Variants in NRXN1 observed in about 807,000 individuals in gnomAD.
NRXN1 encodes neurexin 1.
A neutral mutation model predicts 150.9 loss-of-function variants in NRXN1; 39 were observed. The ratio of observed to expected loss-of-function variants is 0.26; its 90% confidence interval spans 0.20 to 0.34. The LOEUF is 0.34. NRXN1 is among the 10% of genes least tolerant of loss of function. The pLI is 1.00. For missense variants in NRXN1, 1,815 were observed against 1,949.9 expected (o/e 0.93, Z 1.30); for synonymous variants, 924 against 757.0 (o/e 1.22, Z -3.62).
chr2:50,742,201 A>G (rs1474335889), intron 5 of NRXN1, among the ~76,000 whole-genome samples: 1 of 152,082 alleles, frequency 6.6e-6, no homozygotes, highest in Non-Finnish European at 1.5e-5. Context: ...AAATGTTTCA[A>G]AGAGAAAGAA....
chr2:50,070,539 G>C (rs1291047707), intron 19 of NRXN1, among the ~76,000 whole-genome samples: 2 of 151,906 alleles, frequency 1.3e-5, no homozygotes, highest in African/African-American at 4.8e-5. Flanking sequence ...GGGAGGCCGA[G>C]GCGGGCGGAT....
At chr2:50,494,033 C>G (rs2091418348) in intron 15 of NRXN1, among the ~76,000 whole-genome samples, 1 of 152,082 alleles carries the variant, frequency 6.6e-6, no homozygotes, top group South Asian at 2.1e-4. Flanking sequence ...GTAAGTACCC[C>G]CACCAGAAAG....
chr2:50,015,961 G>C (rs12713082), intron 21 of NRXN1, among the ~76,000 whole-genome samples: 47,946 of 151,974 alleles, frequency 0.32, 7,933 homozygotes, highest in East Asian at 0.48. Flanking sequence ...CAGGCACTCA[G>C]TAAACTTACA....
At chr2:50,329,906 T>C (rs574325970) in intron 17 of NRXN1, among the ~76,000 whole-genome samples, 41 of 151,164 alleles carry the variant, frequency 2.7e-4, no homozygotes, top group Non-Finnish European at 5.3e-4. Context: ...AATCCTGACC[T>C]CGTGACCCAC....
intron 2 of NRXN1, among the ~76,000 whole-genome samples, chr2:50,945,771 C>A (rs960239569): frequency 9.9e-5 from 15 of 151,092 alleles, no homozygotes; most frequent in Non-Finnish European, 2.1e-4. Context: ...TTAAGTTAGT[C>A]TCCCTCCTCA....
intron 2 of NRXN1, among the ~76,000 whole-genome samples, chr2:50,965,967 C>T (rs17572910): frequency 0.25 from 37,397 of 151,144 alleles, 5,124 homozygotes; most frequent in Non-Finnish European, 0.31. Flanking sequence ...GTTATGTTGC[C>T]TTCTCTCACC....
intron 5 of NRXN1, among the ~76,000 whole-genome samples, chr2:50,630,530 C>T (rs1682088770): frequency 6.6e-6 from 1 of 151,574 alleles, no homozygotes; most frequent in Non-Finnish European, 1.5e-5. Flanking sequence ...AGGAAATTAC[C>T]GTACATCTTA....
intron 2 of NRXN1, among the ~76,000 whole-genome samples, chr2:50,972,137 A>G (rs1468500366): frequency 6.6e-6 from 1 of 152,148 alleles, no homozygotes; most frequent in Non-Finnish European, 1.5e-5. Context: ...ATTAGGAATT[A>G]TTAATAAGGT....
At chr2:50,376,411 A>C (rs553596907) in intron 17 of NRXN1, among the ~76,000 whole-genome samples, 13 of 152,090 alleles carry the variant, frequency 8.5e-5, no homozygotes, top group African/African-American at 2.9e-4. Flanking sequence ...ACCTCCCAAA[A>C]CATATCCCTT....
At chr2:50,121,867 G>A (rs1242967671) in intron 18 of NRXN1, among the ~76,000 whole-genome samples, 4 of 152,152 alleles carry the variant, frequency 2.6e-5, no homozygotes, top group African/African-American at 7.2e-5. Context: ...ATGACTAGAG[G>A]TCAATAAAGC....
At chr2:50,634,365 G>A (rs1171818470) in intron 5 of NRXN1, among the ~76,000 whole-genome samples, 1 of 152,104 alleles carries the variant, frequency 6.6e-6, no homozygotes, top group Non-Finnish European at 1.5e-5. Context: ...ATGAGCAGTT[G>A]GGTAAATAAT....
intron 5 of NRXN1, among the ~76,000 whole-genome samples, chr2:50,857,667 A>T (rs1675467150): frequency 6.6e-6 from 1 of 152,124 alleles, no homozygotes; most frequent in Admixed American, 6.6e-5. Context: ...TTCAAGGCCT[A>T]GGTCAAGGTC....
At position 51,028,251 on chromosome 2, in the gene NRXN1, C is replaced by G; in HGVS notation, c.23G>C (p.Arg8Pro). 6.8e-7 allele frequency: 1 copy of G among 1,461,140 alleles called. No individual in the cohort carries two copies. The allele number at this position is 1,461,140 out of a possible 1,614,324, so 90.5% of individuals were successfully genotyped here. The part of the protein sequence containing the change: MGTALLQ[R>P]GGCFLLCLSL... ...GAGGCACAGAAGAAAACAGCCCCCGCGCTGGAGCAGCGCCGTCCCCATGCT... is the reference window on the plus strand; with the variant it reads ...GAGGCACAGAAGAAAACAGCCCCCGGGCTGGAGCAGCGCCGTCCCCATGCT... Residue 8 changes from arginine (R) to proline (P), a missense_variant, in exon 2 of 23, where the codon CGC (arginine) becomes CCC (proline). Physicochemically the swap from Arg to Pro is moderately radical, Grantham distance 103. Coordinates refer to ENST00000401669, the MANE Select transcript of NRXN1 (RefSeq NM_001330078.2).
At chr2:50,133,564 T>A (rs1191840431) in intron 18 of NRXN1, among the ~76,000 whole-genome samples, 1 of 151,968 alleles carries the variant, frequency 6.6e-6, no homozygotes, top group Non-Finnish European at 1.5e-5. Context: ...TAGATTCTAA[T>A]CCAAGGTGAC....
intron 17 of NRXN1, among the ~76,000 whole-genome samples, chr2:50,455,681 G>T (rs1055453768): frequency 4.6e-5 from 7 of 152,096 alleles, no homozygotes; most frequent in Non-Finnish European, 1.5e-5. Flanking sequence ...ACCTGGGACA[G>T]CAGATTCAGA....
chr2:50,291,161 G>C (rs1371553672), intron 17 of NRXN1, among the ~76,000 whole-genome samples: 2 of 147,168 alleles, frequency 1.4e-5, no homozygotes, highest in African/African-American at 2.5e-5. Flanking sequence ...TCTGAATTAA[G>C]GGGAAAAATC....
At chr2:50,920,617 A>C (rs1402566894) in intron 5 of NRXN1, among the ~76,000 whole-genome samples, 1 of 151,770 alleles carries the variant, frequency 6.6e-6, no homozygotes, top group African/African-American at 2.4e-5. Context: ...GAACATGATG[A>C]GAAATGCCCA....
intron 16 of NRXN1, among the ~76,000 whole-genome samples, chr2:50,468,735 G>T (rs35548708): frequency 0.31 from 46,682 of 150,846 alleles, 7,355 homozygotes; most frequent in South Asian, 0.37. Flanking sequence ...ACTAGGTGTG[G>T]GACTTTAGGA....
At chr2:50,068,183 A>G (rs866713512) in intron 19 of NRXN1, among the ~76,000 whole-genome samples, 1 of 151,982 alleles carries the variant, frequency 6.6e-6, no homozygotes, top group Non-Finnish European at 1.5e-5. Context: ...TTTTTTTTCA[A>G]TTAGAAAGAT....
Sources: gnomAD v4.1 joint callset for allele counts (sites outside exome capture counted in the v4.1 genomes callset) on GRCh38, gnomAD v4.1.1 for gene constraint, MANE v1.5 for transcripts, NCBI Gene and HGNC (gene_info 2026-07-23, HGNC 2026-07-21) for gene names.